The following KLHL36 variants were observed in gnomAD, a reference collection of about 807,000 sequenced individuals.
KLHL36 encodes the protein kelch-like protein 36.
A neutral mutation model predicts 53.3 loss-of-function variants in KLHL36; 35 were observed. The observed-to-expected ratio is 0.66, with a 90% CI of 0.50 to 0.87. The LOEUF (loss-of-function observed/expected upper bound fraction) is 0.87, where lower values mean the gene tolerates loss of function less well. Ranked by LOEUF, KLHL36 falls within the 40% of genes least tolerant of loss-of-function variation. KLHL36 has a pLI of 0.00. For missense variants in KLHL36, 864 were observed against 897.6 expected (o/e 0.96, Z 0.48); for synonymous variants, 472 against 398.9 (o/e 1.18, Z -2.18).
chr16:84,661,930 A>C lies in KLHL36; in HGVS notation c.1648A>C (p.Ile550Leu), dbSNP rs1567562376. 6.2e-7 allele frequency: 1 copy of C among 1,601,312 alleles called. No homozygotes were observed. ...GVAVWEGRIY[I>L]LGGYSWENTA... ...GGCAGTGTGGGAGGGCCGCATCTAC[A>C]TCCTGGGCGGCTACAGCTGGGAGAA... The change falls in exon 5 of 5, where the codon ATC becomes CTC. Residue 550 changes from isoleucine (I) to leucine (L), a missense_variant. Coordinates refer to ENST00000564996, the MANE Select transcript of KLHL36 (RefSeq NM_024731.4). The surrounding 1 kb of genome is among the most constrained non-coding windows in gnomAD (Gnocchi z 7.9).
chr16:84,650,807 C>G, intron 1 of KLHL36, 45 bp from the exon 2 acceptor site: 1 of 1,387,058 alleles, frequency 7.2e-7, no homozygotes, highest in Admixed American at 1.8e-5. Context: ...TAATGAATGA[C>G]CTAGAGTTAT....
rs2150727545 is a variant in KLHL36 at position 84,659,799 on chromosome 16, G to A, written c.1177G>A (p.Ala393Thr). 5.6e-6 allele frequency: 9 copies of A among 1,614,150 alleles called. No homozygotes were observed. Among genetic ancestry groups the A allele is most frequent in the African/African-American group, 2.7e-5 (2 of 75,044 alleles). The change falls in exon 4 of 5, where the codon GCC (alanine) becomes ACC (threonine). Residue 393 changes from alanine to threonine, a missense_variant. Ala to Thr is a moderately conservative substitution (Grantham distance 58). Transcript: ENST00000564996. Reference sequence around the variant, plus strand: ...CCAGCGCCGTGTGGATTTCTACCTTGCCTCCATCGAAGACATGCTGGTGGC... The same window carrying A: ...CCAGCGCCGTGTGGATTTCTACCTTACCTCCATCGAAGACATGCTGGTGGC... ...MNQRRVDFYL[A>T]SIEDMLVAIG...
chr16:84,658,167 A>G (rs551750365), intron 3 of KLHL36: 2 of 420,876 alleles, frequency 4.8e-6, no homozygotes, highest in East Asian at 3.6e-5. Flanking sequence ...TCAGAGCAGC[A>G]CTGCCTGGCG....
intron 2 of KLHL36, among the ~76,000 whole-genome samples, chr16:84,652,685 G>T (rs1382992010): frequency 6.6e-6 from 1 of 152,228 alleles, no homozygotes; most frequent in African/African-American, 2.4e-5. Flanking sequence ...CCTCCCAGTT[G>T]TTACACTCAA....
chr16:84,661,635 C>G lies in KLHL36; in HGVS notation c.1353C>G (p.Gly451=), dbSNP rs1415605422. The change falls in exon 5 of 5, where the codon GGC becomes GGG. Residue 451 remains glycine, a synonymous_variant. Transcript: ENST00000564996. This position sits in a 1 kb window ranked among gnomAD's most constrained non-coding sequence, Gnocchi z 7.9. The part of the protein sequence containing the change: ...IYKDFVYISG[G]HDYQIGPYRK... ...AAGACTTCGTGTACATCTCGGGGGG[C>G]CACGACTACCAAATTGGCCCCTACC... 2 of 1,611,834 alleles carry G rather than the reference C, an allele frequency of 1.2e-6. No individual in the cohort carries two copies. Among genetic ancestry groups the G allele is most frequent in the African/African-American group, 1.3e-5 (1 of 74,808 alleles).
intron 4 of KLHL36, 44 bp downstream of exon 4, chr16:84,659,961 T>G: frequency 1.3e-6 from 2 of 1,580,270 alleles, no homozygotes; most frequent in East Asian, 4.5e-5. Flanking sequence ...GGGATGTTTT[T>G]AAGGGACATA....
rs1486198499 is a variant in KLHL36 at position 84,662,348 on chromosome 16, G to A, written c.*215G>A. 2 of 504,724 alleles carry A rather than the reference G, an allele frequency of 4.0e-6. No individual in the cohort carries two copies. The highest frequency in any genetic ancestry group is 7.0e-6 in the Non-Finnish European group (2 of 284,268). 31.3% of individuals were successfully genotyped at this position (504,724 alleles called of 1,614,324 possible). On this transcript the variant is annotated 3_prime_UTR_variant, in exon 5 of 5. Transcript: ENST00000564996. The stretch of plus-strand genomic sequence containing the variant: ...GAATAACTAACCCTGGGCCCAGGCA[G>A]TGAGCAACCCCTTGTATCTTCACAG...
At chr16:84,653,479 A>C (rs9941267) in intron 2 of KLHL36, among the ~76,000 whole-genome samples, 50,589 of 151,870 alleles carry the variant, frequency 0.33, 8,828 homozygotes, top group African/African-American at 0.39. Context: ...ATTGGGAAAT[A>C]GGCCAGGCGC....
intron 4 of KLHL36, 31 bp downstream of exon 4, chr16:84,659,948 A>T: frequency 6.3e-7 from 1 of 1,591,058 alleles, no homozygotes; most frequent in South Asian, 1.1e-5. Flanking sequence ...AGGTTCTCCA[A>T]ATGGGATGTT....
intron 2 of KLHL36, among the ~76,000 whole-genome samples, 160 bp downstream of exon 2, chr16:84,651,090 T>C (rs1906846703): frequency 6.6e-6 from 1 of 152,100 alleles, no homozygotes; most frequent in Admixed American, 6.6e-5. Flanking sequence ...GCAGAAATTG[T>C]CATAAAATCA....
At chr16:84,659,709 A>G (rs376475669) in intron 3 of KLHL36, 51 bp from the exon 4 acceptor site, 155 of 1,587,228 alleles carry the variant, frequency 9.8e-5, no homozygotes, top group Non-Finnish European at 1.2e-4. Context: ...CCAGATGTTG[A>G]TGCTGTCCCG....
chr16:84,650,330 C>T (rs1597211576), intron 1 of KLHL36, among the ~76,000 whole-genome samples: 1 of 152,130 alleles, frequency 6.6e-6, no homozygotes, highest in East Asian at 1.9e-4. Flanking sequence ...CCTCATTCAG[C>T]AGCGTGTCAT....
In KLHL36 at chr16:84,657,572, G is replaced by A. The variant is rs150196812; in HGVS notation, c.765G>A (p.Ser255=). 9 of 1,610,842 alleles carry A rather than the reference G, an allele frequency of 5.6e-6. No homozygotes were observed. The highest frequency in any genetic ancestry group is 4.5e-5 in the East Asian group (2 of 44,864). ...LLHRVKPAVC[S]LLPKEANCEG... ...ACCGCGTCAAGCCGGCCGTGTGCTCGCTGCTGCCCAAGGAGGCCAACTGCG... is the reference window on the plus strand; with the variant it reads ...ACCGCGTCAAGCCGGCCGTGTGCTCACTGCTGCCCAAGGAGGCCAACTGCG... Residue 255 remains serine, a synonymous_variant, in exon 3 of 5, where the codon TCG becomes TCA. Transcript: ENST00000564996.
In KLHL36 at chr16:84,661,041, G is replaced by A. The variant is rs72797527; in HGVS notation, c.1296-537G>A. ...CATGAATCCACCATTACAGCATCAC[G>A]CAGAATCATTTCACTGCCCTAAAGC... On this transcript the variant is annotated intron_variant, in intron 4 of 4. Coordinates refer to ENST00000564996, the MANE Select transcript of KLHL36 (RefSeq NM_024731.4). This position sits in a 1 kb window ranked among gnomAD's most constrained non-coding sequence, Gnocchi z 7.9. 4.6e-5 allele frequency among the ~76,000 whole-genome samples: 7 copies of A among 152,208 alleles called. No homozygotes were observed. Among genetic ancestry groups the A allele is most frequent in the African/African-American group, 9.6e-5 (4 of 41,538 alleles).
At chr16:84,658,683 G>T (rs537680605) in intron 3 of KLHL36, 2 of 152,260 alleles carry the variant, frequency 1.3e-5, no homozygotes, top group Non-Finnish European at 2.9e-5. Flanking sequence ...AGCCCCTGGC[G>T]TAGGGAAGGT....
intron 3 of KLHL36, 172 bp downstream of exon 3, chr16:84,658,116 G>T (rs1286332014): frequency 3.6e-6 from 2 of 559,338 alleles, no homozygotes; most frequent in Non-Finnish European, 3.0e-6. Context: ...TGGACAGGGA[G>T]AGGGAGAGCC....
Position 84,662,872 on chromosome 16 carries a change from C to G in KLHL36, c.*739C>G, listed in dbSNP as rs1055453074. The G allele has an allele frequency of 2.0e-5, 3 of 152,006 alleles. No homozygotes were observed. Among genetic ancestry groups the G allele is most frequent in the East Asian group, 3.9e-4 (2 of 5,180 alleles). The allele number at this position is 152,006 out of a possible 1,614,324, so 9.4% of individuals were successfully genotyped here. ...TCCTCATTGGAAACCTTCTTGAATT[C>G]TAAAACGTTACAGGTAACCAAAAAC... On this transcript the variant is annotated 3_prime_UTR_variant, in exon 5 of 5. Coordinates refer to ENST00000564996, the MANE Select transcript of KLHL36 (RefSeq NM_024731.4).
chr16:84,659,765 C>T lies in KLHL36; in HGVS notation c.1143C>T (p.Ala381=). 1 of 1,614,088 alleles carries T rather than the reference C, an allele frequency of 6.2e-7. No homozygotes were observed. The highest frequency in any genetic ancestry group is 8.5e-7 in the Non-Finnish European group (1 of 1,179,974). ...DPRCKQWIKV[A]SMNQRRVDFY... is the part of the protein sequence containing the mutation. ...CAGGTATCTCAACTCCACAGGTGGC[C>T]TCCATGAACCAGCGCCGTGTGGATT... Residue 381 remains alanine (A), a synonymous_variant, in exon 4 of 5, where the codon GCC becomes GCT. Coordinates refer to ENST00000564996, the MANE Select transcript of KLHL36 (RefSeq NM_024731.4).
In KLHL36 at chr16:84,650,893, G is replaced by T. The variant is rs755008686; in HGVS notation, c.26G>T (p.Arg9Leu). The change falls in exon 2 of 5, where the codon CGA (arginine) becomes CTA (leucine). Residue 9 changes from arginine to leucine, a missense_variant. Physicochemically the swap from Arg to Leu is moderately radical, Grantham distance 102. Coordinates refer to ENST00000564996, the MANE Select transcript of KLHL36 (RefSeq NM_024731.4). MMEGSRQT[R>L]VSRPYKISES... is the part of the protein sequence containing the mutation. ...ATGATGGAGGGAAGCAGGCAGACGC[G>T]AGTGTCTCGGCCATACAAGATCAGC... The T allele has an allele frequency of 3.1e-6, 5 of 1,611,516 alleles. No homozygotes were observed. Among genetic ancestry groups the T allele is most frequent in the Non-Finnish European group, 3.4e-6 (4 of 1,179,454 alleles).
Sources: gnomAD v4.1 joint callset for allele counts (sites outside exome capture counted in the v4.1 genomes callset) on GRCh38, gnomAD v4.1.1 for gene constraint, Gnocchi (gnomAD v3.1) non-coding constraint, MANE v1.5 for transcripts, NCBI Gene and HGNC (gene_info 2026-07-23, HGNC 2026-07-21) for gene names.